The following JKAMP variants were observed in gnomAD, a reference collection of about 807,000 sequenced individuals.
JKAMP encodes JNK1/MAPK8 associated membrane protein.
JKAMP carries 20 observed loss-of-function variants against 40.2 expected under a neutral mutation model. The ratio of observed to expected loss-of-function variants is 0.50; its 90% confidence interval spans 0.35 to 0.72. The LOEUF is 0.72. Among genes scored for constraint, JKAMP ranks in the 30% least tolerant of loss-of-function variants. The pLI, the probability that JKAMP is intolerant of heterozygous loss-of-function variation, is 0.01. For missense variants in JKAMP, 276 were observed against 373.0 expected (o/e 0.74, Z 2.14); for synonymous variants, 138 against 131.6 (o/e 1.05, Z -0.33).
intron 3 of JKAMP, among the ~76,000 whole-genome samples, chr14:59,493,562 A>C (rs1891197240): frequency 6.6e-6 from 1 of 152,232 alleles, no homozygotes; most frequent in African/African-American, 2.4e-5. Context: ...TAGAAAACTC[A>C]AAATCACCTA....
At chr14:59,487,538 CTT>C (rs1338719753) in intron 2 of JKAMP, 134 bp from the exon 3 acceptor site, 9 of 636,504 alleles carry the variant, frequency 1.4e-5, no homozygotes, top group South Asian at 2.4e-5. Context: ...CTTATGCCCT[CTT>C]TTTTATTTCT....
chr14:59,496,143 TG>T (rs1649732123), intron 4 of JKAMP, among the ~76,000 whole-genome samples: 1 of 152,176 alleles, frequency 6.6e-6, no homozygotes, highest in Non-Finnish European at 1.5e-5. Context: ...TGGCCTTAAG[TG>T]ATCTACCCAC....
At chr14:59,501,009 T>C in intron 5 of JKAMP, 182 bp from the exon 6 acceptor site, 1 of 543,864 alleles carries the variant, frequency 1.8e-6, no homozygotes, top group East Asian at 3.1e-5. Flanking sequence ...TGAAACTATT[T>C]ACTATCTTGC....
chr14:59,502,282 A>C (rs7149558), intron 6 of JKAMP, among the ~76,000 whole-genome samples: 86,715 of 152,028 alleles, frequency 0.57, 26,544 homozygotes, highest in East Asian at 0.82. Context: ...CAAACTCTAG[A>C]GGAAGCAGAA....
chr14:59,489,796 A>G (rs1042066675), intron 3 of JKAMP, among the ~76,000 whole-genome samples: 1 of 152,192 alleles, frequency 6.6e-6, no homozygotes, highest in Admixed American at 6.5e-5. Context: ...GAAGCTTACA[A>G]TCATGGCAGA....
In JKAMP at chr14:59,505,340, A is replaced by AAT. The variant is rs1462443434; in HGVS notation, c.*1269_*1270insTA. ...TCTGTAGGAATAAAAAATAAATATA[A>AAT]AAATTTTATTTGTATTGCACACATT... is the stretch of plus-strand genomic sequence containing the variant. On this transcript the variant is annotated 3_prime_UTR_variant, in exon 7 of 7. Transcript: ENST00000616435. 6.0e-6 allele frequency: 8 copies of AAT among 1,325,562 alleles called. No homozygotes were observed. The African/African-American group carries it at 1.2e-4, about 20-fold the overall frequency. 82.1% of individuals were successfully genotyped at this position (1,325,562 alleles called of 1,614,324 possible). A position where few individuals can be genotyped will look rare whatever the true frequency, so the allele number is the denominator to read the frequency against.
At position 59,495,113 on chromosome 14, in the gene JKAMP, A is replaced by G. The variant is rs770226541; in HGVS notation, c.347A>G (p.Tyr116Cys). The G allele has an allele frequency of 6.2e-7, 1 of 1,613,352 alleles. No individual in the cohort carries two copies. Among genetic ancestry groups the G allele is most frequent in the Non-Finnish European group, 8.5e-7 (1 of 1,179,488 alleles). ...LLVSDPVGVL[Y>C]IRSCRVLMLS... ...GTGAGTGATCCAGTTGGTGTTCTTT[A>G]TATTCGTTCATGTCGAGTATTGATG... Residue 116 changes from tyrosine to cysteine, a missense_variant, in exon 4 of 7, where the codon TAT becomes TGT. Coordinates refer to ENST00000616435, the MANE Select transcript of JKAMP (RefSeq NM_016475.5).
At chr14:59,484,661 T>C (rs1890369737) in intron 1 of JKAMP, 68 bp downstream of exon 1, 2 of 1,539,476 alleles carry the variant, frequency 1.3e-6, no homozygotes, top group Non-Finnish European at 1.8e-6. Flanking sequence ...ACGGCTGGCC[T>C]CGGGCTCGGC....
At chr14:59,498,978 A>T in intron 5 of JKAMP, 70 bp downstream of exon 5, 1 of 621,650 alleles carries the variant, frequency 1.6e-6, no homozygotes, top group Non-Finnish European at 2.3e-6. Context: ...TCTAGATTTA[A>T]TTTTGGAGAT....
rs1442709575 is a variant in JKAMP, at chr14:59,505,083, A to C, written c.*1011A>C. On this transcript the variant is annotated 3_prime_UTR_variant, in exon 7 of 7. Coordinates refer to ENST00000616435, the MANE Select transcript of JKAMP (RefSeq NM_016475.5). ...CCATGTTTATCCATTTTTATTGTTTAGAAGTTTATTTACTGATACTTGGTG... is the reference window on the plus strand; with the variant it reads ...CCATGTTTATCCATTTTTATTGTTTCGAAGTTTATTTACTGATACTTGGTG... 1 of 431,314 alleles carries C rather than the reference A, an allele frequency of 2.3e-6. No individual in the cohort carries two copies. The highest frequency in any genetic ancestry group is 4.1e-6 in the Non-Finnish European group (1 of 241,808). 26.7% of individuals were successfully genotyped at this position (431,314 alleles called of 1,614,324 possible). A position where few individuals can be genotyped will look rare whatever the true frequency, so the allele number is the denominator to read the frequency against.
intron 3 of JKAMP, among the ~76,000 whole-genome samples, chr14:59,488,308 T>G (rs932201968): frequency 6.6e-6 from 1 of 152,168 alleles, no homozygotes; most frequent in African/African-American, 2.4e-5. Flanking sequence ...TAAAAATAAC[T>G]GACATGGCTT....
Position 59,498,747 on chromosome 14 carries a change from A to G in JKAMP, c.479A>G (p.Tyr160Cys). 1 of 1,562,056 alleles carries G rather than the reference A, an allele frequency of 6.4e-7. No individual in the cohort carries two copies. Among genetic ancestry groups the G allele is most frequent in the Non-Finnish European group, 8.8e-7 (1 of 1,139,688 alleles). ...VYPLYTIVFIYYAFCLVLMML... is the reference protein window; with the variant it reads ...VYPLYTIVFICYAFCLVLMML... ...TACAGATATACCATTGTATTTATCT[A>G]TTACGCATTCTGCTTGGTATTAATG... is the stretch of plus-strand genomic sequence containing the variant. The change falls in exon 5 of 7, where the codon TAT (tyrosine) becomes TGT (cysteine). Residue 160 changes from tyrosine (Y) to cysteine (C), a missense_variant. Tyr to Cys is a radical substitution (Grantham distance 194, BLOSUM62 -2). Transcript: ENST00000616435.
chr14:59,489,415 A>G (rs939812130), intron 3 of JKAMP, among the ~76,000 whole-genome samples: 2 of 152,218 alleles, frequency 1.3e-5, no homozygotes, highest in African/African-American at 4.8e-5. Context: ...GACCTTTACT[A>G]CAGTTCCTGA....
chr14:59,498,324 T>A (rs1006437059), intron 4 of JKAMP, among the ~76,000 whole-genome samples: 7 of 152,230 alleles, frequency 4.6e-5, no homozygotes, highest in African/African-American at 1.7e-4. Context: ...GCAGCATGAA[T>A]ATACTATAAA....
chr14:59,502,672 T>A (rs1164153416), intron 6 of JKAMP, among the ~76,000 whole-genome samples: 1 of 151,918 alleles, frequency 6.6e-6, no homozygotes, highest in South Asian at 2.1e-4. Flanking sequence ...GGAAAATTAG[T>A]TTTGGCGCTT....
intron 4 of JKAMP, among the ~76,000 whole-genome samples, chr14:59,496,326 G>A (rs12893553): frequency 0.39 from 58,904 of 150,914 alleles, 12,249 homozygotes; most frequent in African/African-American, 0.52. Context: ...TCATTGATTC[G>A]TAGAGCTTAA....
Position 59,498,795 on chromosome 14 carries a change from TGAA to T in JKAMP, c.533_535del (p.Lys178del). Reference sequence around the variant, plus strand: ...ATGATGCTGCTCCGACCTCTTCTGGTGAAGAAGATTGCATGTGGGTTAGGGAAA... The same window carrying T: ...ATGATGCTGCTCCGACCTCTTCTGGTGAAGATTGCATGTGGGTTAGGGAAA... On this transcript the variant is annotated inframe_deletion, in exon 5 of 7. Transcript: ENST00000616435. The T allele has an allele frequency of 6.2e-7, 1 of 1,604,630 alleles. No homozygotes were observed. Among genetic ancestry groups the T allele is most frequent in the Non-Finnish European group, 8.5e-7 (1 of 1,171,720 alleles).
chr14:59,484,781 C>A, intron 1 of JKAMP, 188 bp downstream of exon 1: 1 of 913,908 alleles, frequency 1.1e-6, no homozygotes, highest in Non-Finnish European at 1.6e-6. Context: ...CCGCAACGGG[C>A]TACTAGGGGA....
chr14:59,495,267 T>C, intron 4 of JKAMP, 43 bp downstream of exon 4: 1 of 1,402,896 alleles, frequency 7.1e-7, no homozygotes, highest in Non-Finnish European at 1.0e-6. Flanking sequence ...TTTTTTTAAA[T>C]CTCTGAGGAT....
Sources: allele counts gnomAD v4.1 joint callset (sites outside exome capture counted in the v4.1 genomes callset), GRCh38; gene constraint gnomAD v4.1.1; transcripts MANE v1.5; gene names NCBI Gene and HGNC (gene_info 2026-07-23, HGNC 2026-07-21).